NPAS3: variants seen among roughly 807,000 people sequenced by gnomAD.
NPAS3 encodes the protein neuronal PAS domain-containing protein 3.
NPAS3 carries 14 observed loss-of-function variants against 73.1 expected under a neutral mutation model. The ratio of observed to expected loss-of-function variants is 0.19; its 90% CI spans 0.13 to 0.30. NPAS3 has a LOEUF of 0.30. NPAS3 is among the 10% of genes least tolerant of loss of function. The pLI is 1.00. For missense variants in NPAS3, 1,096 were observed against 1,250.0 expected, an observed-to-expected ratio of 0.88 and a Z score of 1.86; for synonymous variants, 620 against 541.5, an observed-to-expected ratio of 1.14 and a Z score of -2.01.
chr14:32,934,911 G>T (rs1369260385), upstream of NPAS3: 12 of 1,007,444 alleles, frequency 1.2e-5, no homozygotes, highest in Admixed American at 7.0e-4. This position sits in a 1 kb window ranked among gnomAD's most constrained non-coding sequence, Gnocchi z 4.1. Flanking sequence ...GGGCGGCCGC[G>T]GGGGTGCCGG....
chr14:33,004,917 A>T (rs1397195107), intron 1 of NPAS3, among the ~76,000 whole-genome samples: 1 of 147,406 alleles, frequency 6.8e-6, no homozygotes, highest in South Asian at 2.1e-4. Flanking sequence ...GGTCACTAAT[A>T]CCACTGTCTT....
chr14:33,215,939 T>A, intron 3 of NPAS3, among the ~76,000 whole-genome samples: 1 of 152,338 alleles, frequency 6.6e-6, no homozygotes, highest in Middle Eastern at 3.4e-3. Flanking sequence ...ACCTAAAAGT[T>A]GTAAATATAA....
At chr14:33,299,395 A>C (rs2042433275) in intron 3 of NPAS3, among the ~76,000 whole-genome samples, 1 of 152,084 alleles carries the variant, frequency 6.6e-6, no homozygotes, top group Non-Finnish European at 1.5e-5. Flanking sequence ...GTTAGAAGAA[A>C]AGCGTGCCCT....
At chr14:33,142,191 CTTTTTTTTT>C (rs10709910) in intron 2 of NPAS3, among the ~76,000 whole-genome samples, 2 of 38,084 alleles carry the variant, frequency 5.3e-5, no homozygotes, top group South Asian at 1.5e-3. Flanking sequence ...TTTGTATAAG[CTTTTTTTTT>C]TTTTTTTTTT....
intron 5 of NPAS3, among the ~76,000 whole-genome samples, chr14:33,586,419 T>C (rs2056864069): frequency 1.3e-5 from 2 of 152,014 alleles, no homozygotes; most frequent in African/African-American, 4.8e-5. Flanking sequence ...ATATAAAAGA[T>C]AAAAGAAGAA....
rs1375647413 is a variant in NPAS3 at position 33,482,969 on chromosome 14, C to T, written c.469-77152C>T. On this transcript the variant is annotated intron_variant, in intron 4 of 11. Transcript: ENST00000356141. Reference sequence around the variant, plus strand: ...TACAGATCACTTTAAAACAAGGGAGCCAAACACTATTTGTTAAGAAGAAAG... The same window carrying T: ...TACAGATCACTTTAAAACAAGGGAGTCAAACACTATTTGTTAAGAAGAAAG... Among the ~76,000 whole-genome samples the T allele has an allele frequency of 2.0e-5, 3 of 152,038 alleles. 1 individual carries two copies. The highest frequency in any genetic ancestry group is 6.5e-5 in the Admixed American group (1 of 15,268).
At chr14:33,447,557 G>C (rs1360196797) in intron 4 of NPAS3, among the ~76,000 whole-genome samples, 1 of 152,162 alleles carries the variant, frequency 6.6e-6, no homozygotes, top group Non-Finnish European at 1.5e-5. Context: ...ATTAGGAGTA[G>C]TGTGACCACT....
chr14:33,780,330 G>GTTCT (rs1212009658), intron 9 of NPAS3, among the ~76,000 whole-genome samples: 1 of 152,162 alleles, frequency 6.6e-6, no homozygotes, highest in East Asian at 1.9e-4. Flanking sequence ...GAAACATCAG[G>GTTCT]TTCTTTGTTG....
At chr14:33,008,078 T>G (rs2039062260) in intron 1 of NPAS3, among the ~76,000 whole-genome samples, 1 of 152,232 alleles carries the variant, frequency 6.6e-6, no homozygotes, top group Non-Finnish European at 1.5e-5. Context: ...GGATGTATAC[T>G]TAATTAAAAT....
intron 4 of NPAS3, among the ~76,000 whole-genome samples, chr14:33,523,533 C>T (rs1595082139): frequency 6.6e-6 from 1 of 150,800 alleles, no homozygotes; most frequent in Non-Finnish European, 1.5e-5. Context: ...GAGGCTGAGG[C>T]AGATGGATCA....
intron 6 of NPAS3, among the ~76,000 whole-genome samples, chr14:33,714,918 T>C (rs1437464578): frequency 1.3e-5 from 2 of 152,190 alleles, no homozygotes; most frequent in Non-Finnish European, 2.9e-5. Flanking sequence ...AAAATCACCA[T>C]CATTGTCCAT....
intron 1 of NPAS3, among the ~76,000 whole-genome samples, chr14:32,995,349 A>G (rs760749818): frequency 1.3e-5 from 2 of 152,074 alleles, no homozygotes; most frequent in African/African-American, 2.4e-5. Flanking sequence ...TCTGCCTCCT[A>G]TTTGCCCCAT....
intron 1 of NPAS3, among the ~76,000 whole-genome samples, chr14:32,981,363 A>G (rs1418277563): frequency 6.6e-6 from 1 of 152,236 alleles, no homozygotes; most frequent in Non-Finnish European, 1.5e-5. Context: ...TAAATGGAAC[A>G]TGCATCTTGA....
chr14:33,140,465 C>T (rs189686603), intron 2 of NPAS3, among the ~76,000 whole-genome samples: 4 of 152,198 alleles, frequency 2.6e-5, no homozygotes, highest in Admixed American at 6.5e-5. Flanking sequence ...GTTATCCTTT[C>T]CCGTTACTCA....
At chr14:33,391,280 G>T (rs2046993287) in intron 4 of NPAS3, among the ~76,000 whole-genome samples, 1 of 140,202 alleles carries the variant, frequency 7.1e-6, no homozygotes, top group Admixed American at 7.9e-5. Flanking sequence ...CACAACCTCT[G>T]CCTCGCAGGT....
At chr14:33,088,460 C>T (rs777024467) in intron 2 of NPAS3, among the ~76,000 whole-genome samples, 6 of 152,192 alleles carry the variant, frequency 3.9e-5, no homozygotes, top group African/African-American at 1.2e-4. Context: ...AGTCTGAGAT[C>T]GAACTGCAAG....
intron 5 of NPAS3, among the ~76,000 whole-genome samples, chr14:33,602,121 A>G (rs2057416736): frequency 6.6e-6 from 1 of 152,238 alleles, no homozygotes. Flanking sequence ...TTCAAGGGGC[A>G]GAGATGAGAG....
At position 33,036,117 on chromosome 14, in the gene NPAS3, A is replaced by C. The variant is rs570552528; in HGVS notation, c.51-19788A>C. On this transcript the variant is annotated intron_variant, in intron 1 of 11. Coordinates refer to ENST00000356141, the Ensembl canonical transcript of NPAS3. ...CAGCCATATTCTTCATCTTATTCCA[A>C]GTCTCCTTCTAAGGCAAAGAGCTCT... 2.0e-5 allele frequency among the ~76,000 whole-genome samples: 3 copies of C among 152,132 alleles called. No individual in the cohort carries two copies. The South Asian group carries it at 6.2e-4, about 32-fold the overall frequency.
At chr14:33,235,227 AAAGAG>A (rs2047989910) in intron 3 of NPAS3, among the ~76,000 whole-genome samples, 1 of 152,164 alleles carries the variant, frequency 6.6e-6, no homozygotes, top group Non-Finnish European at 1.5e-5. Flanking sequence ...TAAATGTGTT[AAAGAG>A]AAATCTTTTC....
Sources: allele counts gnomAD v4.1 joint callset (sites outside exome capture counted in the v4.1 genomes callset), GRCh38; gene constraint gnomAD v4.1.1; non-coding constraint Gnocchi (gnomAD v3.1); transcripts MANE v1.5; gene names NCBI Gene and HGNC (gene_info 2026-07-23, HGNC 2026-07-21).